Variants in DAGLB observed in about 807,000 individuals in gnomAD.
The protein encoded by DAGLB is diacylglycerol lipase-beta.
Under a neutral mutation model 72.1 loss-of-function variants are expected in DAGLB, and 66 were observed. The observed-to-expected ratio is 0.92, with a 90% CI of 0.75 to 1.12. The LOEUF (loss-of-function observed/expected upper bound fraction) is 1.12, where lower values mean the gene tolerates loss of function less well. Among genes scored for constraint, DAGLB ranks in the 50% most tolerant of loss-of-function variants. The pLI, the probability that DAGLB is intolerant of heterozygous loss-of-function variation, is 0.00. For synonymous variants in DAGLB, 414 were observed against 359.5 expected (o/e 1.15, Z -1.71); for missense variants, 1,065 against 884.9 (o/e 1.20, Z -2.58).
intron 2 of DAGLB, among the ~76,000 whole-genome samples, chr7:6,443,648 A>C (rs1286608656): frequency 3.3e-5 from 5 of 151,782 alleles, no homozygotes; most frequent in Admixed American, 2.0e-4. Context: ...CTTTATTCCA[A>C]ACTGTCAAGA....
chr7:6,413,887 G>C (rs1252497718), intron 11 of DAGLB, among the ~76,000 whole-genome samples: 1 of 152,232 alleles, frequency 6.6e-6, no homozygotes, highest in Non-Finnish European at 1.5e-5. Context: ...AGAGACAGAA[G>C]AGCAGGGAAA....
At chr7:6,426,948 A>G (rs575856414) in intron 6 of DAGLB, among the ~76,000 whole-genome samples, 1 of 152,174 alleles carries the variant, frequency 6.6e-6, no homozygotes, top group South Asian at 2.1e-4. Flanking sequence ...CCTCTACTAA[A>G]AATACAAAAC....
At position 6,412,995 on chromosome 7, in the gene DAGLB, T is replaced by G; in HGVS notation, c.1467A>C (p.Ser489=). 6.2e-7 allele frequency: 1 copy of G among 1,613,670 alleles called. No individual in the cohort carries two copies. Among genetic ancestry groups the G allele is most frequent in the Non-Finnish European group, 8.5e-7 (1 of 1,179,874 alleles). ...LQEYSQSFIV[S]LVLGKDVIPR... ...GAATCACATCCTTCCCCAGGACGAG[T>G]GACACGATGAAGCTCTGAGAATATT... Residue 489 remains serine, a synonymous_variant, in exon 12 of 15, where the codon TCA becomes TCC. Transcript: ENST00000297056.
chr7:6,419,445 C>T (rs532606627), intron 9 of DAGLB, among the ~76,000 whole-genome samples: 9 of 152,310 alleles, frequency 5.9e-5, no homozygotes, highest in African/African-American at 2.2e-4. Context: ...TAAGCTGCTG[C>T]TGGCGAGCCT....
chr7:6,409,849 C>T lies in DAGLB; in HGVS notation c.2007G>A (p.Val669=). 1 of 1,613,914 alleles carries T rather than the reference C, an allele frequency of 6.2e-7. No individual in the cohort carries two copies. Among genetic ancestry groups the T allele is most frequent in the Non-Finnish European group, 8.5e-7 (1 of 1,180,016 alleles). Reference sequence around the variant, plus strand: ...CCAGTGGCCCTGGTCAGGCCACGTCCACACTGGAGACCCCTTGTGCTGGAC... The same window carrying T: ...CCAGTGGCCCTGGTCAGGCCACGTCTACACTGGAGACCCCTTGTGCTGGAC... The part of the protein sequence containing the change: ...VSCPAQGVSS[V]DVA The change falls in exon 15 of 15, where the codon GTG becomes GTA. Residue 669 remains valine (V), a synonymous_variant. Transcript: ENST00000297056.
intron 6 of DAGLB, among the ~76,000 whole-genome samples, chr7:6,426,407 T>A (rs1784310807): frequency 6.6e-6 from 1 of 152,212 alleles, no homozygotes; most frequent in Admixed American, 6.5e-5. Context: ...GTAGCTGGGA[T>A]TACATGCGTG....
chr7:6,433,503 T>G (rs1028453757), intron 4 of DAGLB, among the ~76,000 whole-genome samples: 1 of 152,100 alleles, frequency 6.6e-6, no homozygotes, highest in Non-Finnish European at 1.5e-5. Context: ...ATGGAGGAAT[T>G]AGGAATTCTC....
chr7:6,418,203 T>C (rs1055266753), intron 9 of DAGLB, among the ~76,000 whole-genome samples: 6 of 151,966 alleles, frequency 3.9e-5, no homozygotes, highest in Non-Finnish European at 7.4e-5. Context: ...ACATCTGTCC[T>C]CTGAAACAGG....
Position 6,421,801 on chromosome 7 carries a change from C to T in DAGLB, c.1144G>A (p.Val382Ile), listed in dbSNP as rs930306789. 2.5e-5 allele frequency: 40 copies of T among 1,612,726 alleles called. No homozygotes were observed. The highest frequency in any genetic ancestry group is 3.2e-5 in the Non-Finnish European group (38 of 1,179,480). ...CTCTCCGCTGACAGGTCCGTAAGGACATCCTGTAAAAAGGGCGTTGCAGAA... is the reference window on the plus strand; with the variant it reads ...CTCTCCGCTGACAGGTCCGTAAGGATATCCTGTAAAAAGGGCGTTGCAGAA... ...AVRGTMSLQD[V>I]LTDLSAESEV... The change falls in exon 9 of 15, where the codon GTC (valine) becomes ATC (isoleucine). Residue 382 changes from valine (V) to isoleucine (I), a missense_variant. Val to Ile is a conservative substitution (Grantham distance 29). Transcript: ENST00000297056.
rs780307690 is a variant in DAGLB at position 6,424,763 on chromosome 7, T to C, written c.1129A>G (p.Met377Val). The stretch of plus-strand genomic sequence containing the variant: ...GGTTCCAACGTTACCTGCAGAGACA[T>C]GGTCCCCCTCACAGCGACCACAACA... ...ESVVVAVRGT[M>V]SLQDVLTDLS... is the part of the protein sequence containing the mutation. Residue 377 changes from methionine (M) to valine (V), a missense_variant, in exon 8 of 15, where the codon ATG (methionine) becomes GTG (valine). Coordinates refer to ENST00000297056, the MANE Select transcript of DAGLB (RefSeq NM_139179.4). The C allele has an allele frequency of 3.7e-6, 6 of 1,613,648 alleles. No individual in the cohort carries two copies. Among genetic ancestry groups the C allele is most frequent in the East Asian group, 2.2e-5 (1 of 44,860 alleles).
chr7:6,431,105 G>A (rs1784474990), intron 5 of DAGLB, among the ~76,000 whole-genome samples: 1 of 151,844 alleles, frequency 6.6e-6, no homozygotes, highest in Admixed American at 6.6e-5. Context: ...AACACAGCAA[G>A]CACGGGGAAG....
At chr7:6,422,335 T>C in intron 8 of DAGLB, 1 of 245,906 alleles carries the variant, frequency 4.1e-6, no homozygotes, top group Non-Finnish European at 8.3e-6. Flanking sequence ...ACAGGCGGCG[T>C]CCTCCCAACA....
intron 2 of DAGLB, among the ~76,000 whole-genome samples, chr7:6,441,707 G>T (rs570325785): frequency 6.6e-6 from 1 of 152,240 alleles, no homozygotes; most frequent in African/African-American, 2.4e-5. Context: ...GTAAGCCACC[G>T]CGCCTGGCCT....
At chr7:6,417,670 T>C (rs1043057810) in intron 9 of DAGLB, 2 of 150,386 alleles carry the variant, frequency 1.3e-5, no homozygotes, top group African/African-American at 4.9e-5. Flanking sequence ...CTTGAACGCA[T>C]GAGGTTGAGA....
chr7:6,422,368 G>T lies in DAGLB; in HGVS notation c.1141-564C>A, dbSNP rs143035142. ...ACAGGGGCAGCAGGACCCGCTGGCT[G>T]GGGCCCTGGGCACGGCTCCACACCA... On this transcript the variant is annotated intron_variant, in intron 8 of 14. Transcript: ENST00000297056. 763 of 242,962 alleles carry T rather than the reference G, an allele frequency of 3.1e-3. 8 individuals are homozygous for T. Among genetic ancestry groups the T allele is most frequent in the African/African-American group, 0.016 (719 of 44,852 alleles). 15.1% of individuals were successfully genotyped at this position (242,962 alleles called of 1,614,324 possible). A position where few individuals can be genotyped will look rare whatever the true frequency, so the allele number is the denominator to read the frequency against.
At chr7:6,447,128 G>A (rs933797298) in intron 1 of DAGLB, among the ~76,000 whole-genome samples, 1 of 152,196 alleles carries the variant, frequency 6.6e-6, no homozygotes, top group African/African-American at 2.4e-5. Flanking sequence ...CGTGAGCCAT[G>A]GCGCCCAGCC....
Position 6,432,539 on chromosome 7 carries a change from A to G in DAGLB, c.801+298T>C, listed in dbSNP as rs550914648. ...GCCAGGTGTGGTGGCAGGCGCCTGT[A>G]GTCCCAGCTACTCAGGAGGCTGGGG... is the stretch of plus-strand genomic sequence containing the variant. On this transcript the variant is annotated intron_variant, in intron 5 of 14. Transcript: ENST00000297056. Among the ~76,000 whole-genome samples, 128 of 151,780 alleles carry G rather than the reference A, an allele frequency of 8.4e-4. No individual in the cohort carries two copies. The South Asian group carries it at 0.019, about 22-fold the overall frequency.
chr7:6,410,111 CCCA>C lies in DAGLB; in HGVS notation c.1820+16_1820+18del. The C allele has an allele frequency of 1.1e-5, 18 of 1,576,698 alleles. No individual in the cohort carries two copies. Among genetic ancestry groups the C allele is most frequent in the Non-Finnish European group, 1.6e-5 (18 of 1,159,160 alleles). Reference sequence around the variant, plus strand: ...GCGCTGCTCCTGCCTGCCCACCACACCCACCACGCCGCACTCACCGCCCCGAGG... The same window carrying C: ...GCGCTGCTCCTGCCTGCCCACCACACCCACGCCGCACTCACCGCCCCGAGG... On this transcript the variant is annotated intron_variant, in intron 14 of 14. Coordinates refer to ENST00000297056, the MANE Select transcript of DAGLB (RefSeq NM_139179.4).
At chr7:6,411,768 C>T (rs998724847) in intron 13 of DAGLB, among the ~76,000 whole-genome samples, 1 of 152,178 alleles carries the variant, frequency 6.6e-6, no homozygotes, top group South Asian at 2.1e-4. Context: ...CTAAACAAAA[C>T]CACCCTTGGC....
Sources: allele counts gnomAD v4.1 joint callset (sites outside exome capture counted in the v4.1 genomes callset), GRCh38; gene constraint gnomAD v4.1.1; transcripts MANE v1.5; gene names NCBI Gene and HGNC (gene_info 2026-07-23, HGNC 2026-07-21).